The following ATP9A variants were observed in gnomAD, a reference collection of about 807,000 sequenced individuals.
The protein encoded by ATP9A is probable phospholipid-transporting ATPase IIA.
A neutral mutation model predicts 144.1 loss-of-function variants in ATP9A; 52 were observed. The observed-to-expected ratio is 0.36, with a 90% CI of 0.29 to 0.45. The LOEUF is 0.45. ATP9A is among the 20% of genes least tolerant of loss of function. The pLI is 1.00. For missense variants in ATP9A, 947 were observed against 1,392.7 expected (o/e 0.68, Z 5.09); for synonymous variants, 582 against 557.4 (o/e 1.04, Z -0.62).
rs1210688665 is a variant in ATP9A at position 51,599,601 on chromosome 20, A to C, written c.*1610T>G. 5 of 152,218 alleles carry C rather than the reference A, an allele frequency of 3.3e-5. No homozygotes were observed. Among genetic ancestry groups the C allele is most frequent in the Non-Finnish European group, 7.3e-5 (5 of 68,050 alleles). The allele number at this position is 152,218 out of a possible 1,614,324, so 9.4% of individuals were successfully genotyped here. The stretch of plus-strand genomic sequence containing the variant: ...CAATTAACCAGTACCTGCAACGTAA[A>C]GTCATTCTAGAACATTTTAAAAGGA... On this transcript the variant is annotated 3_prime_UTR_variant, in exon 28 of 28. Coordinates refer to ENST00000338821, the MANE Select transcript of ATP9A (RefSeq NM_006045.3).
At chr20:51,706,948 G>A (rs2077617024) in intron 4 of ATP9A, among the ~76,000 whole-genome samples, 1 of 152,082 alleles carries the variant, frequency 6.6e-6, no homozygotes, top group Admixed American at 6.6e-5. Context: ...CCCTTCCATA[G>A]CCTCAGGTTC....
chr20:51,680,684 A>G (rs1027013396), intron 9 of ATP9A, among the ~76,000 whole-genome samples: 1 of 152,124 alleles, frequency 6.6e-6, no homozygotes, highest in African/African-American at 2.4e-5. Context: ...TACAGCCTAT[A>G]GGGAACACAG....
At chr20:51,711,793 G>GGT (rs1041994202) in intron 4 of ATP9A, among the ~76,000 whole-genome samples, 3 of 151,478 alleles carry the variant, frequency 2.0e-5, no homozygotes, top group African/African-American at 7.3e-5. Flanking sequence ...TGCAAGTGGG[G>GGT]GGTCAGTGAT....
chr20:51,723,026 T>C (rs567019263), intron 3 of ATP9A, among the ~76,000 whole-genome samples: 3 of 152,274 alleles, frequency 2.0e-5, no homozygotes, highest in African/African-American at 7.2e-5. Flanking sequence ...GACGAGTGGA[T>C]AAATAAACTG....
chr20:51,598,002 A>C lies in ATP9A; in HGVS notation c.*3209T>G, dbSNP rs1459310197. The C allele has an allele frequency of 1.3e-5, 2 of 152,152 alleles. No individual in the cohort carries two copies. Among genetic ancestry groups the C allele is most frequent in the East Asian group, 3.9e-4 (2 of 5,190 alleles). 9.4% of individuals were successfully genotyped at this position (152,152 alleles called of 1,614,324 possible). A position where few individuals can be genotyped will look rare whatever the true frequency, so the allele number is the denominator to read the frequency against. On this transcript the variant is annotated 3_prime_UTR_variant, in exon 28 of 28. Transcript: ENST00000338821. ...GGCTGGAAAAGGGAGGTCTGCTCCA[A>C]CTTTAAGATGCGCCCTTGGGATGCC...
Position 51,697,430 on chromosome 20 carries a change from A to G in ATP9A, c.489T>C (p.Val163=). 7 of 1,613,182 alleles carry G rather than the reference A, an allele frequency of 4.3e-6. No homozygotes were observed. The highest frequency in any genetic ancestry group is 5.9e-6 in the Non-Finnish European group (7 of 1,179,690). The change falls in exon 5 of 28, where the codon GTT becomes GTC. Residue 163 remains valine (V), a synonymous_variant. Transcript: ENST00000338821. ...SNIQVGDLII[V]EKNQRVPADM... ...GCTTCCAGATTCTGCTCACCTTTTC[A>G]ACGATGATAAGGTCTCCAACTTGGA...
At position 51,726,007 on chromosome 20, in the gene ATP9A, G is replaced by T. The variant is rs530842797; in HGVS notation, c.214-75C>A. On this transcript the variant is annotated intron_variant, in intron 2 of 27. Transcript: ENST00000338821. ...AGATCTGGAACATTTGGTGGGAAAT[G>T]AATAACATCTAAAAACATTCCTGCA... The T allele has an allele frequency of 5.5e-5, 52 of 941,330 alleles. No individual in the cohort carries two copies. In the Middle Eastern group the frequency reaches 1.1e-3, roughly 19 times the overall value. 58.3% of individuals were successfully genotyped at this position (941,330 alleles called of 1,614,324 possible).
At chr20:51,609,125 A>G (rs1337391261) in intron 24 of ATP9A, among the ~76,000 whole-genome samples, 1 of 152,158 alleles carries the variant, frequency 6.6e-6, no homozygotes, top group Non-Finnish European at 1.5e-5. Context: ...AAGAACAGCC[A>G]TAAGGCCAGT....
chr20:51,748,197 C>T (rs1338305714), intron 1 of ATP9A, among the ~76,000 whole-genome samples: 3 of 152,158 alleles, frequency 2.0e-5, no homozygotes, highest in Non-Finnish European at 2.9e-5. Flanking sequence ...GTAATCCCAA[C>T]ACTTTGAAAG....
In ATP9A at chr20:51,659,187, G is replaced by GC. The variant is rs2077401382; in HGVS notation, c.1294-2038dup. ...ACCTCCTCAAAGAGGCTCTTCCTGG[G>GC]CCCCCCAGTTCATGGCACTCCACTT... On this transcript the variant is annotated intron_variant, in intron 13 of 27. Transcript: ENST00000338821. 2.0e-5 allele frequency among the ~76,000 whole-genome samples: 3 copies of GC among 152,146 alleles called. No homozygotes were observed. The South Asian group carries it at 6.2e-4, about 32-fold the overall frequency.
intron 18 of ATP9A, among the ~76,000 whole-genome samples, chr20:51,624,344 C>T (rs1471232255): frequency 6.6e-6 from 1 of 152,158 alleles, no homozygotes; most frequent in South Asian, 2.1e-4. Context: ...GGCAGGCACA[C>T]GTTTCCAGGA....
intron 15 of ATP9A, among the ~76,000 whole-genome samples, chr20:51,631,418 A>C (rs987657325): frequency 2.6e-5 from 4 of 152,082 alleles, no homozygotes; most frequent in Non-Finnish European, 5.9e-5. Flanking sequence ...TCCCCCCGAC[A>C]ACCAAAGGGT....
chr20:51,746,643 T>A (rs1012259953), intron 1 of ATP9A, among the ~76,000 whole-genome samples: 8 of 152,136 alleles, frequency 5.3e-5, no homozygotes, highest in African/African-American at 1.9e-4. Context: ...ATTGAAACCA[T>A]CCTAGCTAAC....
intron 15 of ATP9A, among the ~76,000 whole-genome samples, chr20:51,631,253 T>C (rs1004068617): frequency 6.6e-6 from 1 of 152,174 alleles, no homozygotes; most frequent in Non-Finnish European, 1.5e-5. Context: ...TGCTGACTCA[T>C]AAGAGCACCC....
intron 1 of ATP9A, among the ~76,000 whole-genome samples, chr20:51,733,297 A>G (rs1362827545): frequency 6.6e-6 from 1 of 152,152 alleles, no homozygotes; most frequent in African/African-American, 2.4e-5. Flanking sequence ...AAGGAAATGT[A>G]TTGCTCATAG....
At position 51,641,358 on chromosome 20, in the gene ATP9A, CA is replaced by C. The variant is rs958545924; in HGVS notation, c.1507-1855del. ...TGGACAACAGAGCGAGACTGTATCT[CA>C]AAAAAAAAATTATTATTAGGGTGGG... On this transcript the variant is annotated intron_variant, in intron 14 of 27. Coordinates refer to ENST00000338821, the MANE Select transcript of ATP9A (RefSeq NM_006045.3). Among the ~76,000 whole-genome samples, 1,166 of 148,924 alleles carry C rather than the reference CA, an allele frequency of 7.8e-3. 11 individuals are homozygous for C. The highest frequency in any genetic ancestry group is 0.027 in the African/African-American group (1,103 of 40,628).
intron 18 of ATP9A, among the ~76,000 whole-genome samples, chr20:51,622,834 T>C (rs149115486): frequency 7.9e-5 from 12 of 152,218 alleles, no homozygotes; most frequent in Non-Finnish European, 7.4e-5. Context: ...ATTAACCCTT[T>C]TGTTCTCTTT....
At position 51,733,313 on chromosome 20, in the gene ATP9A, G is replaced by A. The variant is rs115981646; in HGVS notation, c.69-3335C>T. Among the ~76,000 whole-genome samples, 900 of 152,048 alleles carry A rather than the reference G, an allele frequency of 5.9e-3. 10 individuals are homozygous for A. The highest frequency in any genetic ancestry group is 0.021 in the African/African-American group (851 of 41,506). On this transcript the variant is annotated intron_variant, in intron 1 of 27. Coordinates refer to ENST00000338821, the MANE Select transcript of ATP9A (RefSeq NM_006045.3). ...AGGAAATGTATTGCTCATAGTTCTG[G>A]AGGCTGCAAAGTCCAAGATGGAGAC...
chr20:51,736,667 T>G (rs937550975), intron 1 of ATP9A, among the ~76,000 whole-genome samples: 1 of 152,156 alleles, frequency 6.6e-6, no homozygotes, highest in Non-Finnish European at 1.5e-5. Flanking sequence ...CACATTGTAG[T>G]GATAGCTACA....
Sources: gnomAD v4.1 joint callset for allele counts (sites outside exome capture counted in the v4.1 genomes callset) on GRCh38, gnomAD v4.1.1 for gene constraint, MANE v1.5 for transcripts, NCBI Gene and HGNC (gene_info 2026-07-23, HGNC 2026-07-21) for gene names.